Variants in ARL15 observed in about 807,000 individuals in gnomAD.
ARL15 encodes the protein ARF like GTPase 15, also known as ADP-ribosylation factor-like protein 15.
ARL15 carries 19 observed loss-of-function variants against 25.2 expected under a neutral mutation model. The observed-to-expected ratio is 0.75, with a 90% CI of 0.53 to 1.10. The LOEUF (loss-of-function observed/expected upper bound fraction) is 1.10, where lower values mean the gene tolerates loss of function less well. Ranked by LOEUF, ARL15 falls within the 50% of genes least tolerant of loss-of-function variation. The pLI, the probability that ARL15 is intolerant of heterozygous loss-of-function variation, is 0.00. For synonymous variants in ARL15, 94 were observed against 86.8 expected, an observed-to-expected ratio of 1.08 and a Z score of -0.46; for missense variants, 220 against 246.0, an observed-to-expected ratio of 0.89 and a Z score of 0.71.
intron 1 of ARL15, among the ~76,000 whole-genome samples, chr5:54,184,821 G>A (rs1182153465): frequency 2.0e-5 from 3 of 152,060 alleles, no homozygotes; most frequent in African/African-American, 7.2e-5. Context: ...GGATCCCAGT[G>A]CCTTTCTTTG....
chr5:54,063,373 T>G (rs1277142479), intron 4 of ARL15, among the ~76,000 whole-genome samples: 2 of 152,184 alleles, frequency 1.3e-5, no homozygotes, highest in African/African-American at 4.8e-5. Context: ...CTTCTTTATC[T>G]CCATGCTTCC....
At chr5:54,093,360 C>T (rs1470254046) in intron 4 of ARL15, among the ~76,000 whole-genome samples, 1 of 152,142 alleles carries the variant, frequency 6.6e-6, no homozygotes, top group African/African-American at 2.4e-5. Context: ...AGAAAGCACC[C>T]CAAACCTGGC....
At chr5:54,154,738 T>G in intron 2 of ARL15, 99 bp from the exon 3 acceptor site, 2 of 693,516 alleles carry the variant, frequency 2.9e-6, no homozygotes, top group Non-Finnish European at 4.7e-6. Context: ...GGTTAAGATT[T>G]ATTTACTTTT....
At chr5:54,153,610 T>C (rs989990668) in intron 3 of ARL15, among the ~76,000 whole-genome samples, 1 of 152,182 alleles carries the variant, frequency 6.6e-6, no homozygotes, top group Non-Finnish European at 1.5e-5. Context: ...TATATATTAA[T>C]GCTATAAAGC....
At chr5:54,151,422 T>C (rs1232587744) in intron 3 of ARL15, among the ~76,000 whole-genome samples, 1 of 152,180 alleles carries the variant, frequency 6.6e-6, no homozygotes, top group African/African-American at 2.4e-5. Flanking sequence ...TCTCCATCAC[T>C]GAATGAGGAG....
chr5:54,157,660 C>G (rs1754280245), intron 2 of ARL15, among the ~76,000 whole-genome samples: 1 of 152,172 alleles, frequency 6.6e-6, no homozygotes, highest in African/African-American at 2.4e-5. Flanking sequence ...ATCTACCCGC[C>G]TCGGCCTCCC....
At chr5:54,165,293 T>A (rs1013462381) in intron 2 of ARL15, among the ~76,000 whole-genome samples, 1 of 152,092 alleles carries the variant, frequency 6.6e-6, no homozygotes, top group Admixed American at 6.6e-5. Flanking sequence ...ATTATCCACA[T>A]AATTTGCATT....
chr5:54,036,763 A>G (rs1750180007), intron 4 of ARL15, among the ~76,000 whole-genome samples: 2 of 152,146 alleles, frequency 1.3e-5, no homozygotes, highest in Non-Finnish European at 2.9e-5. Flanking sequence ...CCAAAAATGT[A>G]TTTTGTCATG....
At chr5:54,174,489 C>A (rs984397481) in intron 1 of ARL15, among the ~76,000 whole-genome samples, 2 of 152,116 alleles carry the variant, frequency 1.3e-5, no homozygotes, top group African/African-American at 4.8e-5. Flanking sequence ...AATTCTATGA[C>A]CCATATTCTT....
intron 1 of ARL15, among the ~76,000 whole-genome samples, chr5:54,184,173 A>G (rs1378679686): frequency 7.4e-6 from 1 of 135,950 alleles, no homozygotes; most frequent in Non-Finnish European, 1.6e-5. Context: ...TGGGTGCAGC[A>G]CACCAGCATG....
At chr5:54,009,429 T>C (rs3776703) in intron 4 of ARL15, among the ~76,000 whole-genome samples, 41,947 of 152,066 alleles carry the variant, frequency 0.28, 6,013 homozygotes, top group East Asian at 0.46. Flanking sequence ...TATTCCAGCA[T>C]CACTGATTTG....
intron 1 of ARL15, among the ~76,000 whole-genome samples, chr5:54,244,706 C>T (rs1757041867): frequency 6.6e-6 from 1 of 151,996 alleles, no homozygotes; most frequent in South Asian, 2.1e-4. Flanking sequence ...TGGACACTAT[C>T]TGCCTCTCTC....
At chr5:54,063,422 A>G (rs1232050912) in intron 4 of ARL15, among the ~76,000 whole-genome samples, 1 of 152,244 alleles carries the variant, frequency 6.6e-6, no homozygotes, top group Admixed American at 6.5e-5. Flanking sequence ...GTAATCCCTG[A>G]GTCCAGCTTG....
intron 1 of ARL15, among the ~76,000 whole-genome samples, chr5:54,208,152 G>A (rs1004090976): frequency 2.6e-5 from 4 of 151,960 alleles, no homozygotes; most frequent in African/African-American, 9.7e-5. Flanking sequence ...TATGTTATTG[G>A]GAGCTCTCTG....
chr5:54,198,477 T>C (rs1476435334), intron 1 of ARL15, among the ~76,000 whole-genome samples: 1 of 149,052 alleles, frequency 6.7e-6, no homozygotes, highest in Non-Finnish European at 1.5e-5. Context: ...TGTACAAAAA[T>C]CACAAGCATT....
At chr5:54,154,934 A>G (rs768135732) in intron 2 of ARL15, among the ~76,000 whole-genome samples, 1 of 152,204 alleles carries the variant, frequency 6.6e-6, no homozygotes, top group African/African-American at 2.4e-5. Context: ...CATCCTGGGC[A>G]ACATGGTGAA....
intron 4 of ARL15, among the ~76,000 whole-genome samples, chr5:54,004,729 G>A (rs1748962872): frequency 6.6e-6 from 1 of 152,010 alleles, no homozygotes; most frequent in African/African-American, 2.4e-5. Flanking sequence ...ACTGCTGGAT[G>A]GTTACAAATT....
intron 4 of ARL15, among the ~76,000 whole-genome samples, chr5:54,041,025 AG>A (rs1357833090): frequency 1.3e-5 from 2 of 152,240 alleles, no homozygotes; most frequent in Admixed American, 1.3e-4. Flanking sequence ...TGCTGAAGTC[AG>A]CCAAGAGAAT....
At chr5:54,222,973 C>A (rs941054041) in intron 1 of ARL15, among the ~76,000 whole-genome samples, 2 of 144,632 alleles carry the variant, frequency 1.4e-5, no homozygotes, top group Admixed American at 1.4e-4. Flanking sequence ...GCACGCGTCA[C>A]TATGCCTGGA....
Sources: gnomAD v4.1 joint callset for allele counts (sites outside exome capture counted in the v4.1 genomes callset) on GRCh38, gnomAD v4.1.1 for gene constraint, MANE v1.5 for transcripts, NCBI Gene and HGNC (gene_info 2026-07-23, HGNC 2026-07-21) for gene names.